Variants in HNRNPH1 observed in about 807,000 individuals in gnomAD.
HNRNPH1 encodes the protein heterogeneous nuclear ribonucleoprotein H.
HNRNPH1 carries 4 observed loss-of-function variants against 58.6 expected under a neutral mutation model. That is an observed-to-expected ratio of 0.07 (90% CI 0.03 to 0.16). The LOEUF (loss-of-function observed/expected upper bound fraction) is 0.16, where lower values mean the gene tolerates loss of function less well. Among genes scored for constraint, HNRNPH1 ranks in the 10% least tolerant of loss-of-function variants. HNRNPH1 has a pLI of 1.00. For missense variants in HNRNPH1, 271 were observed against 564.2 expected, an observed-to-expected ratio of 0.48 and a Z score of 5.26; for synonymous variants, 192 against 189.2, an observed-to-expected ratio of 1.01 and a Z score of -0.12.
chr5:179,619,147 A>G lies in HNRNPH1; in HGVS notation c.536+122T>C, dbSNP rs1027679059. 4 of 889,494 alleles carry G rather than the reference A, an allele frequency of 4.5e-6. No homozygotes were observed. The African/African-American group carries it at 5.1e-5, about 11-fold the overall frequency. The allele number at this position is 889,494 out of a possible 1,614,324, so 55.1% of individuals were successfully genotyped here. A position where few individuals can be genotyped will look rare whatever the true frequency, so the allele number is the denominator to read the frequency against. The stretch of plus-strand genomic sequence containing the variant: ...TGGGACTGACACAAGTTTGGAAATC[A>G]TGGCAAAACATCAATTACCTAGGAC... On this transcript the variant is annotated intron_variant, in intron 4 of 12. Coordinates refer to ENST00000356731, the Ensembl canonical transcript of HNRNPH1.
intron 1 of HNRNPH1, among the ~76,000 whole-genome samples, chr5:179,622,148 G>C (rs923362279): frequency 1.3e-5 from 2 of 152,102 alleles, no homozygotes; most frequent in East Asian, 3.8e-4. Context: ...ACTTCCCTGG[G>C]CTTCAGTGTC....
chr5:179,617,705 A>C (rs929093503), intron 7 of HNRNPH1, 56 bp from the exon 9 acceptor site: 56 of 1,603,556 alleles, frequency 3.5e-5, no homozygotes, highest in African/African-American at 6.7e-5. Context: ...TACAAAAAAA[A>C]CCTAAAATTT....
upstream of HNRNPH1, among the ~76,000 whole-genome samples, chr5:179,624,846 C>G (rs1774206791): frequency 6.6e-6 from 1 of 152,174 alleles, no homozygotes. Context: ...TGGGAAGATG[C>G]GGACAAAGCA....
intron 4 of HNRNPH1, 155 bp downstream of exon 5, chr5:179,619,114 G>A (rs996084748): frequency 8.1e-5 from 51 of 630,474 alleles, no homozygotes; most frequent in Non-Finnish European, 1.1e-4. Flanking sequence ...TTTAGTTTGC[G>A]TGTAACGTGG....
intron 2 of HNRNPH1, among the ~76,000 whole-genome samples, chr5:179,630,564 T>C (rs1342385248): frequency 1.3e-5 from 2 of 152,138 alleles, no homozygotes; most frequent in African/African-American, 4.8e-5. Flanking sequence ...AGGTACATTG[T>C]GCTTGGAGTG....
exon 13 of HNRNPH1, chr5:179,614,947 G>T: frequency 6.5e-7 from 1 of 1,543,638 alleles, no homozygotes; most frequent in Non-Finnish European, 8.8e-7. Flanking sequence ...GCTGTTCACT[G>T]CTCCTTGGTT....
chr5:179,625,478 A>G (rs1581760391), upstream of HNRNPH1, among the ~76,000 whole-genome samples: 2 of 117,544 alleles, frequency 1.7e-5, no homozygotes, highest in African/African-American at 7.1e-5. Flanking sequence ...GGCTACAAAG[A>G]CTCCCTCTCA....
At chr5:179,616,775 T>C (rs976661733) in intron 10 of HNRNPH1, 94 bp downstream of exon 11, 24 of 1,127,668 alleles carry the variant, frequency 2.1e-5, no homozygotes, top group Admixed American at 1.3e-4. Context: ...AAGTTTCTTA[T>C]GCTAAACTTA....
exon 2 of HNRNPH1, chr5:179,621,393 G>A (rs1772227779): frequency 6.2e-7 from 1 of 1,612,576 alleles, no homozygotes; most frequent in Non-Finnish European, 8.5e-7. Flanking sequence ...TTTGAATTTT[G>A]CAGTCTGGAA....
At chr5:179,620,067 A>AAC in intron 3 of HNRNPH1, 1 of 152,224 alleles carries the variant, frequency 6.6e-6, no homozygotes, top group Admixed American at 6.5e-5. Flanking sequence ...GTTCATATTT[A>AAC]ACGTTGACAG....
intron 1 of HNRNPH1, chr5:179,634,210 GGGCAGCC>G (rs1180297160): frequency 7.4e-6 from 1 of 135,898 alleles, no homozygotes; most frequent in Non-Finnish European, 1.6e-5. Flanking sequence ...CCTTGGGGCC[GGGCAGCC>G]ACCGCGGCGG....
chr5:179,617,089 A>T, exon 9 of HNRNPH1: 1 of 1,614,154 alleles, frequency 6.2e-7, no homozygotes, highest in Non-Finnish European at 8.5e-7. Context: ...AGAATTCAAG[A>T]AGAGTTCTAC....
chr5:179,621,540 C>A, intron 1 of HNRNPH1, 143 bp from the exon 3 acceptor site: 2 of 640,416 alleles, frequency 3.1e-6, no homozygotes, highest in Non-Finnish European at 5.4e-6. Flanking sequence ...ATTACCAACT[C>A]CTAAAACTCC....
intron 3 of HNRNPH1, 37 bp downstream of exon 4, chr5:179,620,855 C>T (rs1562288682): frequency 6.2e-7 from 1 of 1,605,486 alleles, no homozygotes; most frequent in East Asian, 2.2e-5. Context: ...ATAAGCTAGC[C>T]AAAACTCACT....
At chr5:179,632,307 CAA>C (rs368360110) in intron 2 of HNRNPH1, among the ~76,000 whole-genome samples, 4 of 132,812 alleles carry the variant, frequency 3.0e-5, no homozygotes, top group Non-Finnish European at 3.2e-5. Flanking sequence ...GACTCCGTCT[CAA>C]AAAAAAAAAA....
intron 1 of HNRNPH1, 29 bp downstream of exon 2, chr5:179,623,008 C>CG: frequency 8.7e-7 from 1 of 1,153,926 alleles, no homozygotes; most frequent in Non-Finnish European, 1.1e-6. Flanking sequence ...GCCTCGAACT[C>CG]GAACTCCCGC....
chr5:179,623,303 C>T (rs1382333314), exon 1 of HNRNPH1: 4 of 469,678 alleles, frequency 8.5e-6, no homozygotes, highest in African/African-American at 6.1e-5. Flanking sequence ...AACACCTCCT[C>T]GTCCGGCGAC....
intron 11 of HNRNPH1, 108 bp downstream of exon 12, chr5:179,616,018 C>A: frequency 2.1e-6 from 2 of 958,848 alleles, no homozygotes; most frequent in Non-Finnish European, 3.3e-6. Context: ...CACCTGCCTG[C>A]GACTTACTCT....
At chr5:179,617,810 C>A in exon 7 of HNRNPH1, 1 of 1,613,872 alleles carries the variant, frequency 6.2e-7, no homozygotes, top group South Asian at 1.1e-5. Flanking sequence ...TTATAAATGT[C>A]ATTCTCAGTA....
Sources: allele counts gnomAD v4.1 joint callset (sites outside exome capture counted in the v4.1 genomes callset), GRCh38; gene constraint gnomAD v4.1.1; transcripts MANE v1.5; gene names NCBI Gene and HGNC (gene_info 2026-07-23, HGNC 2026-07-21).